The following KCNIP1 variants were observed in gnomAD, a reference collection of about 807,000 sequenced individuals.
The protein encoded by KCNIP1 is potassium voltage-gated channel interacting protein 1, also known as A-type potassium channel modulatory protein KCNIP1.
KCNIP1 carries 18 observed loss-of-function variants against 33.0 expected under a neutral mutation model. The observed-to-expected ratio is 0.55, with a 90% CI of 0.38 to 0.81. The LOEUF is 0.81. KCNIP1 is among the 30% of genes least tolerant of loss of function. The probability of loss-of-function intolerance (pLI) is 0.00; values close to 1 mark genes in which losing one functional copy is unlikely to be tolerated. For synonymous variants in KCNIP1, 93 were observed against 98.3 expected (o/e 0.95, Z 0.32); for missense variants, 238 against 271.6 (o/e 0.88, Z 0.87).
chr5:170,535,433 G>T lies in KCNIP1; in HGVS notation c.61+30800G>T, dbSNP rs115014525. ...AGCAGAAGCCAGGAGACAGGGAACT[G>T]GGGAGTGTACATTTATTTGCTTCTC... On this transcript the variant is annotated intron_variant, in intron 1 of 7. Coordinates refer to ENST00000328939, the MANE Select transcript of KCNIP1 (RefSeq NM_014592.4). Among the ~76,000 whole-genome samples the T allele has an allele frequency of 4.4e-3, 667 of 152,288 alleles. 5 individuals are homozygous for T. The highest frequency in any genetic ancestry group is 0.015 in the African/African-American group (623 of 41,562).
At chr5:170,733,230 G>C (rs1295104867) in intron 6 of KCNIP1, among the ~76,000 whole-genome samples, 1 of 152,170 alleles carries the variant, frequency 6.6e-6, no homozygotes, top group Non-Finnish European at 1.5e-5. Flanking sequence ...TGGGAAGTAA[G>C]GGGAAATAAG....
At chr5:170,498,361 A>G (rs1254815182) in intron 1 of KCNIP1, among the ~76,000 whole-genome samples, 3 of 152,186 alleles carry the variant, frequency 2.0e-5, no homozygotes, top group African/African-American at 7.2e-5. Flanking sequence ...CCAAAGTCAC[A>G]AAACAAATCC....
chr5:170,459,737 T>C (rs1756465206), intron 1 of KCNIP1, among the ~76,000 whole-genome samples: 1 of 152,072 alleles, frequency 6.6e-6, no homozygotes, highest in Non-Finnish European at 1.5e-5. Flanking sequence ...CATTGAAAAG[T>C]CTGAAAGAGC....
intron 1 of KCNIP1, among the ~76,000 whole-genome samples, chr5:170,490,896 C>G (rs1415883787): frequency 6.6e-6 from 1 of 152,164 alleles, no homozygotes; most frequent in African/African-American, 2.4e-5. Context: ...CAAGTTCTCT[C>G]GCCCCAAATC....
At chr5:170,586,291 G>T (rs1757986885) in intron 1 of KCNIP1, among the ~76,000 whole-genome samples, 1 of 152,128 alleles carries the variant, frequency 6.6e-6, no homozygotes, top group Non-Finnish European at 1.5e-5. Flanking sequence ...TTACTTCTTT[G>T]TAACCTTCCC....
At position 170,641,000 on chromosome 5, in the gene KCNIP1, G is replaced by A. The variant is rs143491637; in HGVS notation, c.62-77758G>A. 1.5e-4 allele frequency among the ~76,000 whole-genome samples: 23 copies of A among 152,226 alleles called. No homozygotes were observed. In the South Asian group the frequency reaches 2.7e-3, roughly 18 times the overall value. ...TATGCAGAGGGCTAAAAAATCCAAC[G>A]AATCACAAATCCCCTGGTTGCTAAG... On this transcript the variant is annotated intron_variant, in intron 1 of 7. Coordinates refer to ENST00000328939, the MANE Select transcript of KCNIP1 (RefSeq NM_014592.4).
chr5:170,679,815 T>C (rs1156814185), intron 1 of KCNIP1, among the ~76,000 whole-genome samples: 1 of 152,090 alleles, frequency 6.6e-6, no homozygotes, highest in African/African-American at 2.4e-5. Flanking sequence ...CACATGGTAC[T>C]CCTTTTATGT....
At chr5:170,400,222 AC>A (rs1278901499) in intron 1 of KCNIP1, among the ~76,000 whole-genome samples, 1 of 152,130 alleles carries the variant, frequency 6.6e-6, no homozygotes, top group East Asian at 1.9e-4. Flanking sequence ...ACTACCCAAG[AC>A]TGGGTAATTT....
chr5:170,553,046 C>T (rs1466971171), intron 1 of KCNIP1, among the ~76,000 whole-genome samples: 1 of 152,228 alleles, frequency 6.6e-6, no homozygotes, highest in African/African-American at 2.4e-5. Context: ...AGGCCTCAGG[C>T]TTCAGCAGCA....
chr5:170,517,425 ATAT>A (rs1755166158), intron 1 of KCNIP1, among the ~76,000 whole-genome samples: 1 of 152,218 alleles, frequency 6.6e-6, no homozygotes, highest in African/African-American at 2.4e-5. Context: ...TCAAGGGATA[ATAT>A]TGTTGATGAT....
At chr5:170,389,984 A>G (rs1349506150) in intron 1 of KCNIP1, among the ~76,000 whole-genome samples, 2 of 152,146 alleles carry the variant, frequency 1.3e-5, no homozygotes, top group Non-Finnish European at 2.9e-5. Context: ...AGGGGAGAGA[A>G]CTGACTTTTT....
At chr5:170,379,468 G>A (rs1764149621) in intron 1 of KCNIP1, among the ~76,000 whole-genome samples, 1 of 152,194 alleles carries the variant, frequency 6.6e-6, no homozygotes, top group South Asian at 2.1e-4. Flanking sequence ...TTGTCAGAGG[G>A]TGAAGCAGGC....
intron 1 of KCNIP1, among the ~76,000 whole-genome samples, chr5:170,675,345 T>G (rs2113780339): frequency 6.6e-6 from 1 of 151,722 alleles, no homozygotes; most frequent in African/African-American, 2.4e-5. Context: ...AATGGCCAGG[T>G]GCAGTAGTTC....
At chr5:170,430,826 G>C (rs1581185583) in intron 1 of KCNIP1, among the ~76,000 whole-genome samples, 1 of 152,178 alleles carries the variant, frequency 6.6e-6, no homozygotes, top group South Asian at 2.1e-4. Flanking sequence ...TACTATTACT[G>C]TGTTATTACT....
intron 1 of KCNIP1, among the ~76,000 whole-genome samples, chr5:170,617,469 G>A (rs1759428650): frequency 6.6e-6 from 1 of 152,098 alleles, no homozygotes; most frequent in African/African-American, 2.4e-5. Flanking sequence ...GCCCACTGAG[G>A]GACCTCACCC....
intron 1 of KCNIP1, among the ~76,000 whole-genome samples, chr5:170,450,773 G>A (rs1399814579): frequency 3.3e-5 from 5 of 152,128 alleles, no homozygotes; most frequent in South Asian, 2.1e-4. Context: ...CCCTGGCCAC[G>A]CAGGATCCCT....
chr5:170,590,342 G>T (rs1758200183), intron 1 of KCNIP1, among the ~76,000 whole-genome samples: 1 of 152,148 alleles, frequency 6.6e-6, no homozygotes, highest in Non-Finnish European at 1.5e-5. Flanking sequence ...AGAGCTTGAG[G>T]TCTGGGGGCC....
At chr5:170,500,879 T>TG (rs1273030566), upstream of KCNIP1, among the ~76,000 whole-genome samples, 1 of 152,220 alleles carries the variant, frequency 6.6e-6, no homozygotes, top group Non-Finnish European at 1.5e-5. Context: ...AGTGAATGAA[T>TG]GAATCTTCAC....
intron 1 of KCNIP1, chr5:170,383,762 G>T (rs1181640255): frequency 1.2e-6 from 2 of 1,614,020 alleles, no homozygotes; most frequent in African/African-American, 1.3e-5. Context: ...CACAGGCATG[G>T]GTACTGGGGC....
Sources: allele counts gnomAD v4.1 joint callset (sites outside exome capture counted in the v4.1 genomes callset), GRCh38; gene constraint gnomAD v4.1.1; transcripts MANE v1.5; gene names NCBI Gene and HGNC (gene_info 2026-07-23, HGNC 2026-07-21).